The following RERE variants were observed in gnomAD, a reference collection of about 807,000 sequenced individuals.
RERE encodes arginine-glutamic acid dipeptide repeats.
A neutral mutation model predicts 146.1 loss-of-function variants in RERE; 40 were observed. The ratio of observed to expected loss-of-function variants is 0.27; its 90% CI spans 0.21 to 0.36. The LOEUF is 0.36. Among genes scored for constraint, RERE ranks in the 10% least tolerant of loss-of-function variants. The pLI, the probability that RERE is intolerant of heterozygous loss-of-function variation, is 1.00. For synonymous variants in RERE, 1,003 were observed against 866.0 expected (o/e 1.16, Z -2.78); for missense variants, 1,933 against 2,138.7 (o/e 0.90, Z 1.90).
intron 1 of RERE, among the ~76,000 whole-genome samples, chr1:8,815,602 T>C (rs917421196): frequency 1.2e-4 from 19 of 152,204 alleles, no homozygotes; most frequent in African/African-American, 4.6e-4. Flanking sequence ...GAACATGTTT[T>C]TGAGTGTCCT....
chr1:8,687,547 T>C (rs570599344), intron 1 of RERE, among the ~76,000 whole-genome samples: 1 of 152,350 alleles, frequency 6.6e-6, no homozygotes, highest in African/African-American at 2.4e-5. Flanking sequence ...AAAGGCTGAC[T>C]CTGACTTTCT....
chr1:8,637,373 C>T (rs1003726669), intron 2 of RERE, among the ~76,000 whole-genome samples: 3 of 152,104 alleles, frequency 2.0e-5, no homozygotes, highest in Non-Finnish European at 4.4e-5. Context: ...ACTACTCAGT[C>T]TCCCCTCTTT....
chr1:8,538,754 A>G (rs1403076838), intron 7 of RERE, among the ~76,000 whole-genome samples: 1 of 152,252 alleles, frequency 6.6e-6, no homozygotes, highest in East Asian at 1.9e-4. Context: ...GGACATAGGG[A>G]ACACAAGTGT....
rs1641934463 is a variant in RERE at position 8,817,279 on chromosome 1, G to A, written c.-264C>T. 2.6e-5 allele frequency: 4 copies of A among 152,206 alleles called. No homozygotes were observed. The East Asian group carries it at 7.8e-4, about 30-fold the overall frequency. 9.4% of individuals were successfully genotyped at this position (152,206 alleles called of 1,614,324 possible). On this transcript the variant is annotated 5_prime_UTR_variant, in exon 1 of 23. Transcript: ENST00000400908. ...GCGGGGCCGCGGGGCGCAGGGCCGA[G>A]AGGGGCGGCCCGCGGGGAGGCGACG...
intron 22 of RERE, 120 bp downstream of exon 22, chr1:8,355,299 C>T (rs1275292411): frequency 2.8e-5 from 34 of 1,226,778 alleles, no homozygotes; most frequent in African/African-American, 4.5e-5. Flanking sequence ...ACCATGGTTC[C>T]ACAATGTCCC....
intron 8 of RERE, among the ~76,000 whole-genome samples, chr1:8,505,501 C>T (rs1304872067): frequency 1.3e-5 from 2 of 152,000 alleles, no homozygotes; most frequent in Non-Finnish European, 2.9e-5. Flanking sequence ...TTATTCTTTC[C>T]CTGCTTTTGT....
intron 11 of RERE, chr1:8,465,706 C>T: frequency 1.6e-6 from 1 of 632,688 alleles, no homozygotes. Flanking sequence ...GAAAGTTGGA[C>T]AATCTTTCCC....
chr1:8,422,883 A>C, intron 11 of RERE, 76 bp from the exon 12 acceptor site: 1 of 1,051,618 alleles, frequency 9.5e-7, no homozygotes, highest in Non-Finnish European at 1.5e-6. Flanking sequence ...GATATCTACA[A>C]TCAGCAGAAT....
intron 1 of RERE, among the ~76,000 whole-genome samples, chr1:8,768,343 C>T (rs929602533): frequency 3.3e-5 from 5 of 152,182 alleles, no homozygotes; most frequent in Admixed American, 1.3e-4. Flanking sequence ...ACCACAATAT[C>T]CATTTCAGAA....
chr1:8,523,090 A>G (rs957422365), intron 7 of RERE, among the ~76,000 whole-genome samples: 25 of 151,848 alleles, frequency 1.6e-4, no homozygotes, highest in African/African-American at 6.1e-4. Flanking sequence ...AGGCAGGAGA[A>G]TCACCTTAGC....
intron 2 of RERE, among the ~76,000 whole-genome samples, chr1:8,637,566 T>C (rs1020228255): frequency 2.0e-5 from 3 of 152,296 alleles, no homozygotes; most frequent in Admixed American, 6.5e-5. Flanking sequence ...TTTTACTTCA[T>C]ATTAGAAGGA....
At chr1:8,568,051 T>A (rs183497311) in intron 4 of RERE, among the ~76,000 whole-genome samples, 20 of 152,290 alleles carry the variant, frequency 1.3e-4, no homozygotes, top group African/African-American at 4.8e-4. Flanking sequence ...AGGAGACTGG[T>A]GTGTCAGATG....
At chr1:8,702,072 A>G (rs759436712) in intron 1 of RERE, among the ~76,000 whole-genome samples, 7 of 124,980 alleles carry the variant, frequency 5.6e-5, no homozygotes, top group Non-Finnish European at 3.1e-5. Context: ...CAGAAAGAGG[A>G]AAAAAAAAAA....
chr1:8,533,229 G>A (rs2124373708), intron 7 of RERE, among the ~76,000 whole-genome samples: 1 of 152,298 alleles, frequency 6.6e-6, no homozygotes, highest in African/African-American at 2.4e-5. Flanking sequence ...AGTAAAGGGT[G>A]GACCCCTGAT....
At chr1:8,400,994 G>A (rs1278173949) in intron 12 of RERE, among the ~76,000 whole-genome samples, 1 of 119,560 alleles carries the variant, frequency 8.4e-6, no homozygotes, top group African/African-American at 3.1e-5. Flanking sequence ...CTCCAGCCTG[G>A]GTGACACAGT....
intron 11 of RERE, among the ~76,000 whole-genome samples, chr1:8,435,567 T>A (rs991684917): frequency 2.0e-5 from 3 of 152,146 alleles, no homozygotes; most frequent in Non-Finnish European, 4.4e-5. Flanking sequence ...AACTACACCA[T>A]CCCCTCCGTG....
rs1458335110 is a variant in RERE at position 8,353,645 on chromosome 1, G to A, written c.*1442C>T. On this transcript the variant is annotated 3_prime_UTR_variant, in exon 23 of 23. Transcript: ENST00000400908. Reference sequence around the variant, plus strand: ...TGGAAACGAGGGCAGGCTCTCTCCAGGACGGTTCCGCTCAGAAGGGCCTGG... The same window carrying A: ...TGGAAACGAGGGCAGGCTCTCTCCAAGACGGTTCCGCTCAGAAGGGCCTGG... 6.6e-6 allele frequency: 1 copy of A among 152,304 alleles called. No homozygotes were observed. Among genetic ancestry groups the A allele is most frequent in the African/African-American group, 2.4e-5 (1 of 41,466 alleles). 9.4% of individuals were successfully genotyped at this position (152,304 alleles called of 1,614,324 possible). A position where few individuals can be genotyped will look rare whatever the true frequency, so the allele number is the denominator to read the frequency against.
Position 8,627,128 on chromosome 1 carries a change from T to G in RERE, c.326-2748A>C, listed in dbSNP as rs547203804. Among the ~76,000 whole-genome samples the G allele has an allele frequency of 7.2e-5, 11 of 152,184 alleles. No individual in the cohort carries two copies. In the South Asian group the frequency reaches 2.3e-3, roughly 32 times the overall value. The stretch of plus-strand genomic sequence containing the variant: ...AATTAGTTATCAGTTCCATATGGAG[T>G]AACTCCTCATGGCTCCTCTGTAACT... On this transcript the variant is annotated intron_variant, in intron 2 of 22. Transcript: ENST00000400908.
intron 4 of RERE, among the ~76,000 whole-genome samples, chr1:8,566,890 C>A (rs1024620950): frequency 1.3e-5 from 2 of 151,516 alleles, no homozygotes; most frequent in Non-Finnish European, 2.9e-5. Context: ...TCCAGGGTTC[C>A]AGCAATTCTC....
Sources: allele counts gnomAD v4.1 joint callset (sites outside exome capture counted in the v4.1 genomes callset), GRCh38; gene constraint gnomAD v4.1.1; transcripts MANE v1.5; gene names NCBI Gene and HGNC (gene_info 2026-07-23, HGNC 2026-07-21).